Variants in FHIT observed in about 807,000 individuals in gnomAD.
FHIT encodes fragile histidine triad diadenosine triphosphatase.
In FHIT, 19 loss-of-function variants were observed where a neutral mutation model predicts 17.9. That is an observed-to-expected ratio of 1.06 (90% CI 0.74 to 1.56). The LOEUF (loss-of-function observed/expected upper bound fraction) is 1.56, where lower values mean the gene tolerates loss of function less well. Among genes scored for constraint, FHIT ranks in the 40% most tolerant of loss-of-function variants. The pLI is 0.00. For missense variants in FHIT, 248 were observed against 189.2 expected (o/e 1.31, Z -1.82); for synonymous variants, 81 against 69.7 (o/e 1.16, Z -0.81).
At chr3:60,494,002 G>A (rs781474436) in intron 5 of FHIT, among the ~76,000 whole-genome samples, 2 of 152,058 alleles carry the variant, frequency 1.3e-5, no homozygotes, top group Non-Finnish European at 2.9e-5. Context: ...ATTACAGAAT[G>A]TATCTTTGTC....
At chr3:60,201,123 C>T (rs921176531) in intron 5 of FHIT, among the ~76,000 whole-genome samples, 4 of 152,064 alleles carry the variant, frequency 2.6e-5, no homozygotes, top group African/African-American at 4.8e-5. Context: ...CTTTACTGCT[C>T]CCTCTAGCCT....
rs576464650 is a variant in FHIT at position 60,860,378 on chromosome 3, C to T, written c.-110-38367G>A. Among the ~76,000 whole-genome samples the T allele has an allele frequency of 7.3e-4, 104 of 142,032 alleles. 1 individual carries two copies. The highest frequency in any genetic ancestry group is 2.6e-3 in the African/African-American group (91 of 34,976). The allele number at this position is 142,032 out of a possible 152,430, so 93.2% of individuals were successfully genotyped here. On this transcript the variant is annotated intron_variant, in intron 3 of 9. Transcript: ENST00000492590. ...ATACATGACATACATCATATGTATA[C>T]ATGACATACATCATATGTATATATG... is the stretch of plus-strand genomic sequence containing the variant.
chr3:60,003,798 A>G (rs370416354), intron 7 of FHIT, among the ~76,000 whole-genome samples: 5 of 151,836 alleles, frequency 3.3e-5, no homozygotes, highest in East Asian at 1.9e-4. Flanking sequence ...ATTGGCCACT[A>G]ATATTTAATC....
In FHIT at chr3:60,688,462, G is replaced by A. The variant is rs370655704; in HGVS notation, c.-18+133457C>T. Among the ~76,000 whole-genome samples the A allele has an allele frequency of 7.3e-4, 107 of 146,326 alleles. 1 individual carries two copies. The East Asian group carries it at 0.016, about 22-fold the overall frequency. On this transcript the variant is annotated intron_variant, in intron 4 of 9. Transcript: ENST00000492590. ...TGTTTTTTTTTTTAGACAGAGTTTCGCTCTTACTGCCCCAGCTGGAATGCA... is the reference window on the plus strand; with the variant it reads ...TGTTTTTTTTTTTAGACAGAGTTTCACTCTTACTGCCCCAGCTGGAATGCA...
chr3:60,298,933 G>T (rs1708330079), intron 5 of FHIT, among the ~76,000 whole-genome samples: 1 of 152,074 alleles, frequency 6.6e-6, no homozygotes, highest in South Asian at 2.1e-4. Flanking sequence ...GACCCCCTCA[G>T]ATCATTACCC....
At chr3:60,332,011 T>C (rs1710001748) in intron 5 of FHIT, among the ~76,000 whole-genome samples, 1 of 152,094 alleles carries the variant, frequency 6.6e-6, no homozygotes, top group South Asian at 2.1e-4. Flanking sequence ...TACACAAAAA[T>C]GAGGGGTGTA....
chr3:60,475,615 A>G (rs1038207605), intron 5 of FHIT, among the ~76,000 whole-genome samples: 8 of 152,212 alleles, frequency 5.3e-5, no homozygotes. Context: ...CAGTTTTGTC[A>G]TCACTTTGAT....
At chr3:60,118,531 T>C (rs1410733234) in intron 5 of FHIT, among the ~76,000 whole-genome samples, 1 of 152,070 alleles carries the variant, frequency 6.6e-6, no homozygotes, top group Non-Finnish European at 1.5e-5. Flanking sequence ...GGCATAATAC[T>C]GTCAGGAGCT....
intron 2 of FHIT, among the ~76,000 whole-genome samples, chr3:61,069,677 C>T (rs28491152): frequency 0.1 from 15,959 of 152,168 alleles, 2,517 homozygotes; most frequent in African/African-American, 0.34. Context: ...GAATAGCATC[C>T]TTTCTTAACC....
At chr3:59,930,429 G>A (rs934875308) in intron 7 of FHIT, among the ~76,000 whole-genome samples, 3 of 152,090 alleles carry the variant, frequency 2.0e-5, no homozygotes, top group Non-Finnish European at 4.4e-5. Flanking sequence ...CCTTTTCATG[G>A]GTGAGATACC....
chr3:60,571,369 A>AAAAAAAC (rs1559549076), intron 4 of FHIT, among the ~76,000 whole-genome samples: 3 of 119,884 alleles, frequency 2.5e-5, no homozygotes, highest in Non-Finnish European at 5.1e-5. Flanking sequence ...AAAAAGAACA[A>AAAAAAAC]TGAATGACGT....
chr3:60,321,157 C>T (rs186377031), intron 5 of FHIT, among the ~76,000 whole-genome samples: 5 of 152,206 alleles, frequency 3.3e-5, no homozygotes, highest in Admixed American at 6.5e-5. Flanking sequence ...TCCCACCCTG[C>T]GAAGAATGGA....
intron 5 of FHIT, among the ~76,000 whole-genome samples, chr3:60,171,324 G>C (rs953964793): frequency 6.6e-6 from 1 of 152,084 alleles, no homozygotes; most frequent in Non-Finnish European, 1.5e-5. Flanking sequence ...GAAACATTCA[G>C]ACAACTACAT....
chr3:60,736,966 T>A (rs546444800), intron 4 of FHIT, among the ~76,000 whole-genome samples: 1 of 152,326 alleles, frequency 6.6e-6, no homozygotes, highest in South Asian at 2.1e-4. Context: ...TTTTAAGGCC[T>A]CAGCAAGTGC....
chr3:61,085,210 C>G (rs996677008), intron 2 of FHIT, among the ~76,000 whole-genome samples: 1 of 152,092 alleles, frequency 6.6e-6, no homozygotes, highest in African/African-American at 2.4e-5. Flanking sequence ...TTAACCTTTT[C>G]AAAAAGTGCC....
chr3:60,445,674 T>A (rs403985), intron 5 of FHIT, among the ~76,000 whole-genome samples: 1 of 152,110 alleles, frequency 6.6e-6, no homozygotes, highest in African/African-American at 2.4e-5. Flanking sequence ...TAAGCCTGTC[T>A]GAACTTGCTT....
chr3:60,588,206 C>G (rs1483754716), intron 4 of FHIT, among the ~76,000 whole-genome samples: 1 of 152,056 alleles, frequency 6.6e-6, no homozygotes, highest in East Asian at 1.9e-4. Context: ...GCCATTCTCT[C>G]AGCCCTTAAG....
chr3:60,253,618 T>C (rs1705837416), intron 5 of FHIT, among the ~76,000 whole-genome samples: 1 of 152,188 alleles, frequency 6.6e-6, no homozygotes, highest in Non-Finnish European at 1.5e-5. Context: ...GGACAGAGAT[T>C]ACCTGAGGTT....
At chr3:60,870,461 C>A (rs112816333) in intron 3 of FHIT, among the ~76,000 whole-genome samples, 1 of 152,036 alleles carries the variant, frequency 6.6e-6, no homozygotes, top group Non-Finnish European at 1.5e-5. Context: ...TGTAGGGACA[C>A]GGCACCCCTA....
Sources: allele counts gnomAD v4.1 joint callset (sites outside exome capture counted in the v4.1 genomes callset), GRCh38; gene constraint gnomAD v4.1.1; transcripts MANE v1.5; gene names NCBI Gene and HGNC (gene_info 2026-07-23, HGNC 2026-07-21).